The following CNTNAP2 variants were observed in gnomAD, a reference collection of about 807,000 sequenced individuals.
CNTNAP2 encodes contactin-associated protein-like 2.
CNTNAP2 carries 98 observed loss-of-function variants against 155.2 expected under a neutral mutation model. The observed-to-expected ratio is 0.63, with a 90% CI of 0.54 to 0.75. The LOEUF (loss-of-function observed/expected upper bound fraction) is 0.75, where lower values mean the gene tolerates loss of function less well. Among genes scored for constraint, CNTNAP2 ranks in the 30% least tolerant of loss-of-function variants. CNTNAP2 has a pLI of 0.00. For missense variants in CNTNAP2, 1,727 were observed against 1,688.1 expected, an observed-to-expected ratio of 1.02 and a Z score of -0.40; for synonymous variants, 651 against 631.2, an observed-to-expected ratio of 1.03 and a Z score of -0.47.
chr7:147,472,282 G>A (rs201499433), intron 10 of CNTNAP2, among the ~76,000 whole-genome samples: 8 of 133,100 alleles, frequency 6.0e-5, no homozygotes, highest in South Asian at 4.7e-4. Context: ...GCATGATCTC[G>A]GCTCACTGCA....
chr7:147,418,209 A>G (rs1208738256), intron 10 of CNTNAP2, among the ~76,000 whole-genome samples: 1 of 152,238 alleles, frequency 6.6e-6, no homozygotes, highest in Admixed American at 6.5e-5. Flanking sequence ...TCATTGATGG[A>G]AAGTCAAAAA....
chr7:146,923,823 G>A (rs112889927), intron 3 of CNTNAP2, among the ~76,000 whole-genome samples: 1 of 152,066 alleles, frequency 6.6e-6, no homozygotes, highest in Admixed American at 6.6e-5. Flanking sequence ...CTTTCAAAGT[G>A]TAGTGCCTGG....
At chr7:148,194,996 A>T (rs1030546716) in intron 18 of CNTNAP2, among the ~76,000 whole-genome samples, 8 of 152,182 alleles carry the variant, frequency 5.3e-5, no homozygotes, top group African/African-American at 1.9e-4. Flanking sequence ...GCCATGTCTC[A>T]TATACTCACT....
chr7:148,146,126 G>A (rs140319510), intron 16 of CNTNAP2, among the ~76,000 whole-genome samples: 1 of 152,094 alleles, frequency 6.6e-6, no homozygotes, highest in Non-Finnish European at 1.5e-5. Context: ...GTCTTAAAAT[G>A]GTACCAGCCA....
chr7:146,609,120 A>G (rs1005201217), intron 1 of CNTNAP2, among the ~76,000 whole-genome samples: 1 of 152,090 alleles, frequency 6.6e-6, no homozygotes, highest in Non-Finnish European at 1.5e-5. Flanking sequence ...ACTATTTCCT[A>G]CTTCAAATGA....
chr7:146,954,506 T>A (rs1184539457), intron 3 of CNTNAP2, among the ~76,000 whole-genome samples: 1 of 151,978 alleles, frequency 6.6e-6, no homozygotes, highest in South Asian at 2.1e-4. Context: ...GGAAAAGAAT[T>A]GTTGAATCAG....
intron 1 of CNTNAP2, among the ~76,000 whole-genome samples, chr7:146,546,868 T>G (rs953039566): frequency 6.6e-6 from 1 of 151,882 alleles, no homozygotes; most frequent in Non-Finnish European, 1.5e-5. Context: ...GTGATTCAAT[T>G]ACCTCCCACT....
At chr7:147,333,396 A>G (rs868446808) in intron 9 of CNTNAP2, among the ~76,000 whole-genome samples, 2 of 152,242 alleles carry the variant, frequency 1.3e-5, no homozygotes, top group East Asian at 3.8e-4. Context: ...CATTAAAATC[A>G]TAAAATAGAC....
intron 1 of CNTNAP2, among the ~76,000 whole-genome samples, chr7:146,256,174 G>A (rs1799833846): frequency 6.6e-6 from 1 of 152,156 alleles, no homozygotes; most frequent in African/African-American, 2.4e-5. Flanking sequence ...CTTTTCATTT[G>A]TGCAGCCTCT....
At chr7:146,709,757 G>C (rs1801031382) in intron 1 of CNTNAP2, among the ~76,000 whole-genome samples, 1 of 152,124 alleles carries the variant, frequency 6.6e-6, no homozygotes, top group Non-Finnish European at 1.5e-5. Flanking sequence ...CTGGAGTTGA[G>C]ATTTTCTGGA....
intron 13 of CNTNAP2, among the ~76,000 whole-genome samples, chr7:147,686,296 A>G (rs531091991): frequency 1.3e-5 from 2 of 152,074 alleles, no homozygotes; most frequent in Non-Finnish European, 1.5e-5. Flanking sequence ...TTGAGCAAGG[A>G]AGAAGTTGCA....
At chr7:147,622,718 AG>A (rs1049716549) in intron 12 of CNTNAP2, among the ~76,000 whole-genome samples, 40 of 152,142 alleles carry the variant, frequency 2.6e-4, no homozygotes, top group African/African-American at 8.7e-4. Flanking sequence ...TGCAGCTTAA[AG>A]AACTAGAAAA....
intron 13 of CNTNAP2, among the ~76,000 whole-genome samples, chr7:147,780,315 T>C (rs935345097): frequency 3.9e-5 from 6 of 152,206 alleles, no homozygotes; most frequent in Non-Finnish European, 7.3e-5. Flanking sequence ...GCTGCTTCAC[T>C]ATATACAGTT....
intron 3 of CNTNAP2, among the ~76,000 whole-genome samples, chr7:146,982,063 A>G (rs559026050): frequency 2.0e-5 from 3 of 152,332 alleles, no homozygotes; most frequent in Admixed American, 6.5e-5. Context: ...CCTACATTAT[A>G]TAACATTATT....
chr7:146,673,149 C>T (rs1013490930), intron 1 of CNTNAP2, among the ~76,000 whole-genome samples: 7 of 152,068 alleles, frequency 4.6e-5, no homozygotes, highest in African/African-American at 1.7e-4. Context: ...AAATAACCTT[C>T]ATTGGTCTTG....
At chr7:147,451,391 C>A (rs1042873925) in intron 10 of CNTNAP2, among the ~76,000 whole-genome samples, 3 of 152,144 alleles carry the variant, frequency 2.0e-5, no homozygotes, top group Admixed American at 6.5e-5. Context: ...GCTTAAGGAA[C>A]CAAATTTGCA....
At chr7:147,683,259 A>C (rs565351283) in intron 13 of CNTNAP2, among the ~76,000 whole-genome samples, 63 of 152,038 alleles carry the variant, frequency 4.1e-4, no homozygotes, top group African/African-American at 1.5e-3. Flanking sequence ...AACAGGTAAA[A>C]AATGAAACTT....
At chr7:146,640,032 T>C (rs796991376) in intron 1 of CNTNAP2, among the ~76,000 whole-genome samples, 40 of 152,314 alleles carry the variant, frequency 2.6e-4, no homozygotes, top group African/African-American at 9.6e-4. Flanking sequence ...TGGTCCTCCT[T>C]AAGTTCCACG....
chr7:147,105,342 T>C (rs898941154), intron 4 of CNTNAP2, among the ~76,000 whole-genome samples: 8 of 151,950 alleles, frequency 5.3e-5, no homozygotes, highest in African/African-American at 1.7e-4. Flanking sequence ...TGATTTTGCA[T>C]TCATTTTTTG....
Sources: allele counts gnomAD v4.1 joint callset (sites outside exome capture counted in the v4.1 genomes callset), GRCh38; gene constraint gnomAD v4.1.1; transcripts MANE v1.5; gene names NCBI Gene and HGNC (gene_info 2026-07-23, HGNC 2026-07-21).